Variants in WWOX observed in about 807,000 individuals in gnomAD.
WWOX encodes the protein WW domain-containing oxidoreductase.
Under a neutral mutation model 46.2 loss-of-function variants are expected in WWOX, and 69 were observed. The observed-to-expected ratio is 1.49, with a 90% CI of 1.23 to 1.82. WWOX has a LOEUF of 1.82. Ranked by LOEUF, WWOX falls within the 40% of genes most tolerant of loss-of-function variation. The pLI is 0.00. For synonymous variants in WWOX, 359 were observed against 202.6 expected, an observed-to-expected ratio of 1.77 and a Z score of -6.56; for missense variants, 919 against 542.6, an observed-to-expected ratio of 1.69 and a Z score of -6.89.
chr16:78,918,803 A>C (rs764572664), intron 8 of WWOX, among the ~76,000 whole-genome samples: 14 of 152,184 alleles, frequency 9.2e-5, no homozygotes, highest in Admixed American at 7.9e-4. Context: ...TCTATATTAC[A>C]GAACTTAAAT....
At chr16:78,139,942 G>A (rs891544433) in intron 4 of WWOX, among the ~76,000 whole-genome samples, 6 of 152,126 alleles carry the variant, frequency 3.9e-5, no homozygotes, top group Admixed American at 2.0e-4. Context: ...TTTATCCACC[G>A]GCTTCTGACC....
chr16:78,910,146 T>G (rs950003974), intron 8 of WWOX, among the ~76,000 whole-genome samples: 1 of 149,094 alleles, frequency 6.7e-6, no homozygotes, highest in Non-Finnish European at 1.5e-5. Context: ...CTTCTGGGGA[T>G]GATGCTTTTT....
rs117007901 is a variant in WWOX, at chr16:78,684,454, G to T, written c.1056+251702G>T. Among the ~76,000 whole-genome samples, 127 of 152,312 alleles carry T rather than the reference G, an allele frequency of 8.3e-4. 1 individual carries two copies. The East Asian group carries it at 0.023, about 28-fold the overall frequency. On this transcript the variant is annotated intron_variant, in intron 8 of 8. Coordinates refer to ENST00000566780, the MANE Select transcript of WWOX (RefSeq NM_016373.4). ...GTTGGAATGACAGCTGTGGCGTGTTGAGTCAGATCAAGTCCAGAATTCCTC... is the reference window on the plus strand; with the variant it reads ...GTTGGAATGACAGCTGTGGCGTGTTTAGTCAGATCAAGTCCAGAATTCCTC...
chr16:78,522,586 C>G (rs1434211816), intron 8 of WWOX, among the ~76,000 whole-genome samples: 1 of 152,212 alleles, frequency 6.6e-6, no homozygotes, highest in Non-Finnish European at 1.5e-5. Flanking sequence ...TGGGAAATTG[C>G]TCAGTTCCTG....
At chr16:78,313,062 T>C (rs1224110204) in intron 5 of WWOX, among the ~76,000 whole-genome samples, 2 of 152,188 alleles carry the variant, frequency 1.3e-5, no homozygotes, top group Non-Finnish European at 2.9e-5. Flanking sequence ...GTTTTCAGAT[T>C]ACTTCTTTTT....
At chr16:79,132,156 A>C (rs1027883952) in intron 8 of WWOX, among the ~76,000 whole-genome samples, 3 of 131,766 alleles carry the variant, frequency 2.3e-5, no homozygotes, top group Admixed American at 7.6e-5. Context: ...ACACACACAC[A>C]CACACACACA....
At chr16:79,167,586 C>T (rs1034524000) in intron 8 of WWOX, among the ~76,000 whole-genome samples, 1 of 152,172 alleles carries the variant, frequency 6.6e-6, no homozygotes, top group African/African-American at 2.4e-5. Context: ...TTCCCATCAG[C>T]TTAAGGCAGC....
At chr16:78,634,758 A>T (rs1364161651) in intron 8 of WWOX, among the ~76,000 whole-genome samples, 2 of 150,946 alleles carry the variant, frequency 1.3e-5, no homozygotes, top group African/African-American at 4.9e-5. Context: ...GATAAACATC[A>T]TCTGGACGGA....
chr16:78,475,438 G>T (rs1221145827), intron 8 of WWOX, among the ~76,000 whole-genome samples: 1 of 152,134 alleles, frequency 6.6e-6, no homozygotes. Context: ...TTTTTTCCCA[G>T]AGTTTTGCAG....
chr16:78,963,435 C>G (rs2046308779), intron 8 of WWOX, among the ~76,000 whole-genome samples: 1 of 152,146 alleles, frequency 6.6e-6, no homozygotes, highest in Admixed American at 6.5e-5. Flanking sequence ...CACTGCTGCA[C>G]TCAACTTGGG....
intron 8 of WWOX, among the ~76,000 whole-genome samples, chr16:78,681,039 G>A (rs992016654): frequency 1.8e-4 from 27 of 152,184 alleles, no homozygotes; most frequent in African/African-American, 6.0e-4. Context: ...GCCTGAGGTC[G>A]AGAGTTCGAG....
intron 8 of WWOX, among the ~76,000 whole-genome samples, chr16:78,436,457 A>G (rs1223040478): frequency 1.3e-5 from 2 of 152,220 alleles, no homozygotes; most frequent in Admixed American, 6.5e-5. Flanking sequence ...TGGACTTTAG[A>G]TAAGCATGAA....
At chr16:78,144,472 T>TATATATATATATATATATACAC (rs1567596407) in intron 4 of WWOX, among the ~76,000 whole-genome samples, 34 of 30,494 alleles carry the variant, frequency 1.1e-3, no homozygotes, top group African/African-American at 4.1e-3. Flanking sequence ...TACACACATA[T>TATATATATATATATATATACAC]ATATATATAT....
At chr16:78,672,547 T>C (rs1393373613) in intron 8 of WWOX, among the ~76,000 whole-genome samples, 1 of 152,228 alleles carries the variant, frequency 6.6e-6, no homozygotes, top group Non-Finnish European at 1.5e-5. Flanking sequence ...CAGTGTAGCA[T>C]GGCAAGAGAA....
At chr16:78,885,757 G>T (rs577123417) in intron 8 of WWOX, among the ~76,000 whole-genome samples, 83 of 151,898 alleles carry the variant, frequency 5.5e-4, no homozygotes, top group Admixed American at 2.7e-3. Context: ...TTTTTTAACT[G>T]ATAGTTTGAT....
intron 8 of WWOX, among the ~76,000 whole-genome samples, chr16:78,782,558 A>G (rs538526341): frequency 6.6e-6 from 1 of 152,052 alleles, no homozygotes; most frequent in African/African-American, 2.4e-5. Context: ...TTATTAATGC[A>G]TTCCCTTCCG....
chr16:79,205,191 C>G (rs990091210), intron 8 of WWOX: 7 of 152,188 alleles, frequency 4.6e-5, no homozygotes, highest in African/African-American at 1.7e-4. Flanking sequence ...TCAAGGTGTC[C>G]CTTGTAATTT....
At chr16:78,638,665 G>T (rs552980059) in intron 8 of WWOX, among the ~76,000 whole-genome samples, 1 of 152,290 alleles carries the variant, frequency 6.6e-6, no homozygotes, top group African/African-American at 2.4e-5. Flanking sequence ...GAAGGGCGGG[G>T]GCGGTCAGAG....
chr16:78,383,914 T>G (rs8062393), intron 5 of WWOX, among the ~76,000 whole-genome samples: 117,996 of 152,010 alleles, frequency 0.78, 46,723 homozygotes, highest in African/African-American at 0.84. Flanking sequence ...TCCCTTAGAG[T>G]TATATGTTCT....
Sources: allele counts gnomAD v4.1 joint callset (sites outside exome capture counted in the v4.1 genomes callset), GRCh38; gene constraint gnomAD v4.1.1; transcripts MANE v1.5; gene names NCBI Gene and HGNC (gene_info 2026-07-23, HGNC 2026-07-21).